The following ZFAND3 variants were observed in gnomAD, a reference collection of about 807,000 sequenced individuals.
ZFAND3 encodes zinc finger AN1-type containing 3, also known as AN1-type zinc finger protein 3.
A neutral mutation model predicts 29.6 loss-of-function variants in ZFAND3; 10 were observed. The observed-to-expected ratio is 0.34, with a 90% CI of 0.21 to 0.57. ZFAND3 has a LOEUF of 0.57. ZFAND3 is among the 20% of genes least tolerant of loss of function. The pLI is 0.86. For missense variants in ZFAND3, 230 were observed against 304.5 expected (o/e 0.76, Z 1.82); for synonymous variants, 128 against 112.6 (o/e 1.14, Z -0.87).
At chr6:37,953,460 T>TTG (rs59653246) in intron 2 of ZFAND3, among the ~76,000 whole-genome samples, 1 of 122,250 alleles carries the variant, frequency 8.2e-6, no homozygotes, top group Non-Finnish European at 1.8e-5. Context: ...TTTTTTTTTT[T>TTG]GGCCTTTCTT....
chr6:38,103,333 T>G (rs571276766), intron 4 of ZFAND3, among the ~76,000 whole-genome samples: 9 of 87,226 alleles, frequency 1.0e-4, no homozygotes, highest in Admixed American at 2.9e-4. Context: ...TAAATCTGGG[T>G]GTGTGTGTGT....
chr6:37,835,504 C>G (rs140584824), intron 1 of ZFAND3, among the ~76,000 whole-genome samples: 7 of 147,462 alleles, frequency 4.7e-5, no homozygotes, highest in Admixed American at 2.7e-4. Flanking sequence ...TGGATGAGTC[C>G]TTTTTTAGAT....
At chr6:38,000,421 G>T (rs1156580437) in intron 2 of ZFAND3, among the ~76,000 whole-genome samples, 1 of 152,122 alleles carries the variant, frequency 6.6e-6, no homozygotes, top group Non-Finnish European at 1.5e-5. Flanking sequence ...AATTTATAAA[G>T]GAAAGAGGTT....
At chr6:37,906,967 A>G (rs915071469) in intron 1 of ZFAND3, among the ~76,000 whole-genome samples, 1 of 152,148 alleles carries the variant, frequency 6.6e-6, no homozygotes, top group African/African-American at 2.4e-5. Context: ...ACTTGGTAAT[A>G]TAAAAATTTA....
At chr6:38,144,174 A>ATATATATAT (rs1766021921) in intron 5 of ZFAND3, among the ~76,000 whole-genome samples, 2 of 17,680 alleles carry the variant, frequency 1.1e-4, no homozygotes, top group African/African-American at 8.2e-4. Context: ...AAAATGTGAT[A>ATATATATAT]TATATATATA....
chr6:37,984,286 C>G (rs1561956136), intron 2 of ZFAND3, among the ~76,000 whole-genome samples: 1 of 152,136 alleles, frequency 6.6e-6, no homozygotes, highest in Non-Finnish European at 1.5e-5. Context: ...TTAGTTAGAA[C>G]TGCTGAGAAA....
At chr6:37,959,414 A>G (rs1169869225) in intron 2 of ZFAND3, among the ~76,000 whole-genome samples, 1 of 152,214 alleles carries the variant, frequency 6.6e-6, no homozygotes, top group African/African-American at 2.4e-5. Flanking sequence ...CACTATTGTT[A>G]TGTAAATGAA....
intron 2 of ZFAND3, among the ~76,000 whole-genome samples, chr6:38,013,962 A>C (rs1220972605): frequency 6.6e-6 from 1 of 152,222 alleles, no homozygotes; most frequent in Non-Finnish European, 1.5e-5. Context: ...TTCTCAAGCC[A>C]GATGCAAGAG....
At chr6:37,971,294 A>T (rs1446053848) in intron 2 of ZFAND3, among the ~76,000 whole-genome samples, 1 of 152,156 alleles carries the variant, frequency 6.6e-6, no homozygotes, top group Admixed American at 6.5e-5. Flanking sequence ...GCATTTTTAA[A>T]TTGAAGAGAT....
chr6:38,098,623 C>T (rs7751354), intron 4 of ZFAND3, among the ~76,000 whole-genome samples: 3,123 of 152,106 alleles, frequency 0.021, 94 homozygotes, highest in African/African-American at 0.072. Flanking sequence ...GCCTCAGCCT[C>T]CCAAGTAGCT....
At chr6:38,091,164 G>A (rs11751393) in intron 4 of ZFAND3, among the ~76,000 whole-genome samples, 9,773 of 152,252 alleles carry the variant, frequency 0.064, 386 homozygotes, top group Non-Finnish European at 0.093. Context: ...GAAGGGAAGC[G>A]TCATGTGGCT....
At chr6:37,930,497 C>T (rs1455549640) in intron 2 of ZFAND3, among the ~76,000 whole-genome samples, 1 of 152,124 alleles carries the variant, frequency 6.6e-6, no homozygotes, top group East Asian at 1.9e-4. Flanking sequence ...GAGTTTGAGA[C>T]CAGCCTGGGC....
At chr6:38,013,292 C>T (rs1309304956) in intron 2 of ZFAND3, among the ~76,000 whole-genome samples, 1 of 152,160 alleles carries the variant, frequency 6.6e-6, no homozygotes, top group Non-Finnish European at 1.5e-5. Flanking sequence ...CCAGAGTGTC[C>T]TTTGATTCTA....
chr6:37,973,774 G>T (rs1392846299), intron 2 of ZFAND3, among the ~76,000 whole-genome samples: 6 of 152,158 alleles, frequency 3.9e-5, no homozygotes, highest in African/African-American at 1.4e-4. Flanking sequence ...GACTTTTCTT[G>T]ATTTTTTCAT....
At chr6:38,042,914 C>T (rs1763819398) in intron 2 of ZFAND3, among the ~76,000 whole-genome samples, 2 of 152,128 alleles carry the variant, frequency 1.3e-5, no homozygotes, top group African/African-American at 2.4e-5. Context: ...GTATGTTTCT[C>T]ACTTGAGCTC....
intron 2 of ZFAND3, among the ~76,000 whole-genome samples, chr6:38,041,999 CT>C (rs1278979512): frequency 1.4e-4 from 21 of 147,956 alleles, no homozygotes; most frequent in Admixed American, 7.4e-4. Context: ...CCACACACGG[CT>C]TTTTTTTGGG....
At chr6:37,915,039 A>G (rs1157085558) in intron 1 of ZFAND3, among the ~76,000 whole-genome samples, 1 of 152,128 alleles carries the variant, frequency 6.6e-6, no homozygotes, top group East Asian at 1.9e-4. Context: ...AGCTACCTTC[A>G]TTTTAGCTAG....
Position 37,914,672 on chromosome 6 carries a change from C to CTTTCTTT in ZFAND3, c.72-15284_72-15283insCTTTTTT, listed in dbSNP as rs1554157840. Reference sequence around the variant, plus strand: ...TTTCTTTCTTTCTTTCTTTTTTTTTCTTTTTTTTTTAGTGGAGACGGGGTT... The same window carrying CTTTCTTT: ...TTTCTTTCTTTCTTTCTTTTTTTTTCTTTCTTTTTTTTTTTTTAGTGGAGACGGGGTT... On this transcript the variant is annotated intron_variant, in intron 1 of 5. Transcript: ENST00000287218. Among the ~76,000 whole-genome samples the CTTTCTTT allele has an allele frequency of 1.8e-5, 2 of 114,210 alleles. 1 individual carries two copies. The highest frequency in any genetic ancestry group is 3.5e-5 in the Non-Finnish European group (2 of 56,600). The allele number at this position is 114,210 out of a possible 152,430, so 74.9% of individuals were successfully genotyped here.
intron 1 of ZFAND3, among the ~76,000 whole-genome samples, chr6:37,886,965 A>G (rs376876715): frequency 6.6e-6 from 1 of 152,314 alleles, no homozygotes; most frequent in African/African-American, 2.4e-5. Flanking sequence ...CATCACATAC[A>G]CTTCACCCCA....
Sources: allele counts gnomAD v4.1 joint callset (sites outside exome capture counted in the v4.1 genomes callset), GRCh38; gene constraint gnomAD v4.1.1; transcripts MANE v1.5; gene names NCBI Gene and HGNC (gene_info 2026-07-23, HGNC 2026-07-21).